SMYD3: variants seen among roughly 807,000 people sequenced by gnomAD.
SMYD3 encodes the protein SET and MYND domain containing 3.
A neutral mutation model predicts 57.7 loss-of-function variants in SMYD3; 36 were observed. That is an observed-to-expected ratio of 0.62 (90% confidence interval 0.48 to 0.82). The LOEUF is 0.82. Among genes scored for constraint, SMYD3 ranks in the 40% least tolerant of loss-of-function variants. The pLI, the probability that SMYD3 is intolerant of heterozygous loss-of-function variation, is 0.00. For synonymous variants in SMYD3, 211 were observed against 195.0 expected, an observed-to-expected ratio of 1.08 and a Z score of -0.68; for missense variants, 515 against 538.8, an observed-to-expected ratio of 0.96 and a Z score of 0.44.
intron 1 of SMYD3, among the ~76,000 whole-genome samples, chr1:246,403,236 G>A (rs758913760): frequency 6.6e-6 from 1 of 152,052 alleles, no homozygotes; most frequent in Non-Finnish European, 1.5e-5. Flanking sequence ...GGTTCAGCCT[G>A]TTATCCCAGA....
rs113799356 is a variant in SMYD3 at position 246,477,095 on chromosome 1, A to T, written c.164+29959T>A. 6.2e-3 allele frequency among the ~76,000 whole-genome samples: 943 copies of T among 152,338 alleles called. 7 individuals are homozygous for T. Among genetic ancestry groups the T allele is most frequent in the African/African-American group, 0.022 (896 of 41,578 alleles). On this transcript the variant is annotated intron_variant, in intron 1 of 11. Coordinates refer to ENST00000490107, the MANE Select transcript of SMYD3 (RefSeq NM_001167740.2). ...GAAACCAATTTTCTTCTTTCAATCT[A>T]GACCAAAATTAAAATGTTTAATTCC...
At chr1:246,254,658 A>G (rs2063851751) in intron 5 of SMYD3, among the ~76,000 whole-genome samples, 1 of 152,136 alleles carries the variant, frequency 6.6e-6, no homozygotes, top group Non-Finnish European at 1.5e-5. Context: ...CATACTTCCA[A>G]TTCTGTGAAA....
chr1:246,460,463 C>G (rs1394480257), intron 1 of SMYD3, among the ~76,000 whole-genome samples: 1 of 152,164 alleles, frequency 6.6e-6, no homozygotes, highest in African/African-American at 2.4e-5. Context: ...AATTAAAATA[C>G]TGCATCACAA....
At chr1:246,429,138 C>T (rs1033444682) in intron 1 of SMYD3, among the ~76,000 whole-genome samples, 2 of 151,180 alleles carry the variant, frequency 1.3e-5, no homozygotes, top group Non-Finnish European at 2.9e-5. Flanking sequence ...GAACCCACCA[C>T]AGGTACAGTA....
At chr1:246,150,252 A>G (rs2061920619) in intron 5 of SMYD3, among the ~76,000 whole-genome samples, 1 of 152,246 alleles carries the variant, frequency 6.6e-6, no homozygotes, top group Non-Finnish European at 1.5e-5. Context: ...TGTGTACTAT[A>G]GACTATAATA....
chr1:245,896,915 A>G (rs1273696587), intron 8 of SMYD3, among the ~76,000 whole-genome samples: 1 of 152,170 alleles, frequency 6.6e-6, no homozygotes, highest in Non-Finnish European at 1.5e-5. Flanking sequence ...AGAACAAAAC[A>G]AAAAAACTGT....
At chr1:246,431,296 A>G (rs374792819) in intron 1 of SMYD3, among the ~76,000 whole-genome samples, 2 of 152,248 alleles carry the variant, frequency 1.3e-5, no homozygotes, top group South Asian at 4.1e-4. Flanking sequence ...CCTCACACAA[A>G]TTGATCTTTT....
At chr1:246,439,931 CAG>C (rs1412609533) in intron 1 of SMYD3, among the ~76,000 whole-genome samples, 5 of 152,104 alleles carry the variant, frequency 3.3e-5, no homozygotes, top group Admixed American at 3.3e-4. Flanking sequence ...GCCTGGGTAA[CAG>C]AGTGAGACCT....
chr1:245,978,057 C>A (rs2058495379), intron 5 of SMYD3, among the ~76,000 whole-genome samples: 1 of 152,226 alleles, frequency 6.6e-6, no homozygotes, highest in Non-Finnish European at 1.5e-5. Flanking sequence ...TGTCAGCTGT[C>A]GTTTATCATC....
At chr1:245,944,038 G>T (rs1050228051) in intron 5 of SMYD3, among the ~76,000 whole-genome samples, 4 of 152,124 alleles carry the variant, frequency 2.6e-5, no homozygotes, top group African/African-American at 9.7e-5. Flanking sequence ...ATGTCATACT[G>T]AATGGGCAAA....
At chr1:245,775,639 C>T (rs1010868767) in intron 10 of SMYD3, among the ~76,000 whole-genome samples, 1 of 151,294 alleles carries the variant, frequency 6.6e-6, no homozygotes, top group African/African-American at 2.4e-5. Context: ...TATCTGCCGA[C>T]CTTCCCTCCA....
intron 5 of SMYD3, among the ~76,000 whole-genome samples, chr1:246,008,256 G>A (rs60119747): frequency 0.17 from 26,243 of 152,186 alleles, 2,525 homozygotes; most frequent in East Asian, 0.41. Context: ...GAAAGGCCTC[G>A]GAGAAACTGT....
At chr1:246,223,595 C>T (rs761195051) in intron 5 of SMYD3, among the ~76,000 whole-genome samples, 2 of 152,064 alleles carry the variant, frequency 1.3e-5, no homozygotes, top group Non-Finnish European at 2.9e-5. Flanking sequence ...CCAGAAAGGA[C>T]ACCTAATACT....
At chr1:245,930,422 G>A (rs890621094) in intron 5 of SMYD3, 12 of 332,642 alleles carry the variant, frequency 3.6e-5, no homozygotes, top group East Asian at 1.6e-4. Context: ...TGAGCCTGTC[G>A]TCTGATGCGT....
intron 5 of SMYD3, among the ~76,000 whole-genome samples, chr1:246,017,450 C>T (rs900783869): frequency 6.6e-6 from 1 of 152,130 alleles, no homozygotes; most frequent in Non-Finnish European, 1.5e-5. Context: ...GTTTGCTTGA[C>T]TTTCATGAGC....
At chr1:245,885,457 T>G (rs572408249) in intron 8 of SMYD3, among the ~76,000 whole-genome samples, 1 of 152,314 alleles carries the variant, frequency 6.6e-6, no homozygotes, top group Non-Finnish European at 1.5e-5. Context: ...TTACAGGCTG[T>G]TCTTTGTTAG....
chr1:246,125,003 C>T (rs928202755), intron 5 of SMYD3, among the ~76,000 whole-genome samples: 1 of 148,798 alleles, frequency 6.7e-6, no homozygotes, highest in African/African-American at 2.5e-5. Flanking sequence ...ACCCGAGAGG[C>T]GGAGCTTGCA....
chr1:246,422,536 T>C (rs2067158844), intron 1 of SMYD3, among the ~76,000 whole-genome samples: 1 of 152,152 alleles, frequency 6.6e-6, no homozygotes, highest in Non-Finnish European at 1.5e-5. Context: ...GGGATTCTCC[T>C]GCCTCAGCCT....
At chr1:245,867,593 G>A (rs1256799546) in intron 8 of SMYD3, among the ~76,000 whole-genome samples, 1 of 151,928 alleles carries the variant, frequency 6.6e-6, no homozygotes, top group Non-Finnish European at 1.5e-5. Context: ...GATAATCATG[G>A]TGTTCATACT....
Sources: gnomAD v4.1 joint callset for allele counts (sites outside exome capture counted in the v4.1 genomes callset) on GRCh38, gnomAD v4.1.1 for gene constraint, MANE v1.5 for transcripts, NCBI Gene and HGNC (gene_info 2026-07-23, HGNC 2026-07-21) for gene names.